The following LARGE1 variants were observed in gnomAD, a reference collection of about 807,000 sequenced individuals.
The protein encoded by LARGE1 is xylosyl- and glucuronyltransferase LARGE1.
LARGE1 carries 43 observed loss-of-function variants against 87.6 expected under a neutral mutation model. That is an observed-to-expected ratio of 0.49 (90% CI 0.38 to 0.63). The LOEUF is 0.63. Among genes scored for constraint, LARGE1 ranks in the 30% least tolerant of loss-of-function variants. LARGE1 has a pLI of 0.00. For synonymous variants in LARGE1, 434 were observed against 394.6 expected, an observed-to-expected ratio of 1.10 and a Z score of -1.18; for missense variants, 802 against 1,000.2, an observed-to-expected ratio of 0.80 and a Z score of 2.67.
Position 33,713,763 on chromosome 22 carries a change from C to T in LARGE1, c.106+47608G>A, listed in dbSNP as rs140961561. Among the ~76,000 whole-genome samples the T allele has an allele frequency of 2.6e-3, 391 of 151,956 alleles. 1 individual carries two copies. Among genetic ancestry groups the T allele is most frequent in the African/African-American group, 9.1e-3 (379 of 41,434 alleles). On this transcript the variant is annotated intron_variant, in intron 2 of 14. Coordinates refer to ENST00000397394, the MANE Select transcript of LARGE1 (RefSeq NM_133642.5). The stretch of plus-strand genomic sequence containing the variant: ...CTTGACCCCAGGAGTTCAAGACCAG[C>T]GTGGGCAACATGGCGAGACACCGTG...
chr22:33,104,895 CTTTCTT>C, the LARGE1 span, among the ~76,000 whole-genome samples: 3,739 of 56,458 alleles, frequency 0.066, 90 homozygotes, highest in Middle Eastern at 0.15. Flanking sequence ...CTCTCTCTTT[CTTTCTT>C]TCTTTCTTTC....
intron 2 of LARGE1, among the ~76,000 whole-genome samples, chr22:33,740,042 A>G (rs1004039219): frequency 1.3e-5 from 2 of 152,188 alleles, no homozygotes; most frequent in Non-Finnish European, 2.9e-5. Context: ...TACTGGGATC[A>G]TCTGACTGAT....
chr22:33,600,908 T>C (rs567910239), intron 5 of LARGE1, among the ~76,000 whole-genome samples: 17 of 152,068 alleles, frequency 1.1e-4, no homozygotes, highest in Admixed American at 3.3e-4. Flanking sequence ...TTAATAAAAA[T>C]ATAAAAATTA....
chr22:33,494,656 T>G (rs1390391019), intron 6 of LARGE1, among the ~76,000 whole-genome samples: 2 of 152,204 alleles, frequency 1.3e-5, no homozygotes, highest in Non-Finnish European at 2.9e-5. Flanking sequence ...GGTAGGCAGC[T>G]TAACTAATCT....
intron 1 of LARGE1, among the ~76,000 whole-genome samples, chr22:33,765,332 A>C (rs531005961): frequency 1.1e-4 from 17 of 152,220 alleles, no homozygotes; most frequent in African/African-American, 3.9e-4. Flanking sequence ...TATTATGATT[A>C]TTTCTTTCCC....
chr22:33,079,910 A>AT, the LARGE1 span, among the ~76,000 whole-genome samples: 1 of 152,120 alleles, frequency 6.6e-6, no homozygotes, highest in Non-Finnish European at 1.5e-5. Flanking sequence ...CAATGGCATC[A>AT]TTGGCCTGGC....
intron 6 of LARGE1, among the ~76,000 whole-genome samples, chr22:33,477,828 T>C (rs2069144586): frequency 1.3e-5 from 2 of 152,172 alleles, no homozygotes; most frequent in South Asian, 2.1e-4. Flanking sequence ...GCAGTAAAAA[T>C]AGCCCAAGTG....
rs41302579 is a variant in LARGE1 at position 33,277,024 on chromosome 22, G to A, written c.2073+36C>T. On this transcript the variant is annotated intron_variant, in intron 14 of 14. Transcript: ENST00000397394. ...GCTCTAGGATCTAGGCCTCTCCCCC[G>A]TCGACCATACCAGGTGGATGCTCCG... The A allele has an allele frequency of 0.011, 17,217 of 1,600,152 alleles. 121 individuals are homozygous for A. Among genetic ancestry groups the A allele is most frequent in the Middle Eastern group, 0.018 (110 of 6,048 alleles).
In LARGE1 at chr22:33,442,608, A is replaced by G. The variant is rs78618170; in HGVS notation, c.788-10343T>C. Among the ~76,000 whole-genome samples, 798 of 152,170 alleles carry G rather than the reference A, an allele frequency of 5.2e-3. 9 individuals carry two copies. Among genetic ancestry groups the G allele is most frequent in the African/African-American group, 0.018 (736 of 41,508 alleles). On this transcript the variant is annotated intron_variant, in intron 6 of 14. Transcript: ENST00000397394. ...AAAGCTGCCTTCCAACCTGATTGGG[A>G]GCTCTCTTTATGCTATGTCAGTGAT...
At chr22:33,357,718 C>A (rs368032360) in intron 9 of LARGE1, among the ~76,000 whole-genome samples, 1 of 151,504 alleles carries the variant, frequency 6.6e-6, no homozygotes, top group Non-Finnish European at 1.5e-5. Flanking sequence ...CGCTTCAACC[C>A]GGGAGGCAGA....
rs1284844220 is a variant in LARGE1 at position 33,288,967 on chromosome 22, A to ATTC, written c.1731-5620_1731-5619insGAA. Among the ~76,000 whole-genome samples the ATTC allele has an allele frequency of 7.2e-5, 11 of 151,772 alleles. 1 individual carries two copies. In the East Asian group the frequency reaches 2.1e-3, roughly 29 times the overall value. On this transcript the variant is annotated intron_variant, in intron 12 of 14. Transcript: ENST00000397394. ...TCAAGGAATTATTATTATTATTATT[A>ATTC]TTATTATTTTAGACAGAGTCTCGCT...
intron 2 of LARGE1, among the ~76,000 whole-genome samples, chr22:33,655,910 A>G (rs949841479): frequency 2.0e-5 from 3 of 152,226 alleles, no homozygotes; most frequent in Non-Finnish European, 4.4e-5. Flanking sequence ...AATCAAGTAG[A>G]TAAGTAAGAG....
intron 10 of LARGE1, among the ~76,000 whole-genome samples, chr22:33,328,063 T>G (rs909048815): frequency 3.3e-5 from 5 of 152,114 alleles, no homozygotes; most frequent in Non-Finnish European, 1.5e-5. Context: ...TCAACAAAAA[T>G]AAATAAGTCA....
intron 1 of LARGE1, among the ~76,000 whole-genome samples, chr22:33,776,518 T>C (rs879346045): frequency 6.6e-6 from 1 of 152,232 alleles, no homozygotes. Context: ...ATGTTTTTCT[T>C]CTGAATGTTA....
At chr22:33,612,046 T>C (rs1465775531) in intron 4 of LARGE1, among the ~76,000 whole-genome samples, 3 of 152,196 alleles carry the variant, frequency 2.0e-5, no homozygotes, top group Non-Finnish European at 4.4e-5. Context: ...TTGTGCAGCC[T>C]GCAGAACTGT....
chr22:33,293,703 C>A (rs868618891), intron 12 of LARGE1, among the ~76,000 whole-genome samples: 1 of 152,162 alleles, frequency 6.6e-6, no homozygotes, highest in South Asian at 2.1e-4. Flanking sequence ...GCAGATTCCA[C>A]CTTGAATGAG....
intron 1 of LARGE1, among the ~76,000 whole-genome samples, chr22:33,787,403 T>C (rs1208117534): frequency 1.3e-5 from 2 of 152,212 alleles, no homozygotes; most frequent in Admixed American, 1.3e-4. Flanking sequence ...TATCTCAATA[T>C]TGTTCTGAAA....
At chr22:33,332,615 A>T (rs1368843188) in intron 10 of LARGE1, among the ~76,000 whole-genome samples, 1 of 152,154 alleles carries the variant, frequency 6.6e-6, no homozygotes, top group Non-Finnish European at 1.5e-5. Context: ...TGCACTTATC[A>T]CAGCTCTAAT....
intron 6 of LARGE1, among the ~76,000 whole-genome samples, chr22:33,459,787 T>C (rs951680921): frequency 8.7e-5 from 13 of 149,724 alleles, no homozygotes; most frequent in Admixed American, 2.7e-4. Context: ...AGCTGGTCCA[T>C]AGTGGCTCTG....
Sources: allele counts gnomAD v4.1 joint callset (sites outside exome capture counted in the v4.1 genomes callset), GRCh38; gene constraint gnomAD v4.1.1; transcripts MANE v1.5; gene names NCBI Gene and HGNC (gene_info 2026-07-23, HGNC 2026-07-21).